The following ZCWPW2 variants were observed in gnomAD, a reference collection of about 807,000 sequenced individuals.
ZCWPW2 encodes zinc finger CW-type and PWWP domain containing 2.
Under a neutral mutation model 46.6 loss-of-function variants are expected in ZCWPW2, and 45 were observed. The observed-to-expected ratio is 0.96, with a 90% CI of 0.76 to 1.24. The LOEUF is 1.24. Among genes scored for constraint, ZCWPW2 ranks in the 50% most tolerant of loss-of-function variants. ZCWPW2 has a pLI of 0.00. For synonymous variants in ZCWPW2, 152 were observed against 137.1 expected (o/e 1.11, Z -0.76); for missense variants, 429 against 403.9 (o/e 1.06, Z -0.53).
At chr3:28,394,728 C>T (rs1695628028) in intron 2 of ZCWPW2, among the ~76,000 whole-genome samples, 1 of 152,032 alleles carries the variant, frequency 6.6e-6, no homozygotes, top group African/African-American at 2.4e-5. Context: ...TAAATTGGAC[C>T]ATTATCTTAC....
intron 4 of ZCWPW2, among the ~76,000 whole-genome samples, chr3:28,440,906 C>T (rs1374804837): frequency 6.6e-6 from 1 of 152,158 alleles, no homozygotes; most frequent in Non-Finnish European, 1.5e-5. Flanking sequence ...AACTAGCTAC[C>T]AGGTAGCTGG....
intron 4 of ZCWPW2, among the ~76,000 whole-genome samples, chr3:28,451,206 T>G (rs566080355): frequency 6.6e-6 from 1 of 152,348 alleles, no homozygotes; most frequent in Admixed American, 6.5e-5. Context: ...ATATTGAGTC[T>G]ATATATGTAG....
At chr3:28,428,854 G>T (rs531767386) in intron 3 of ZCWPW2, among the ~76,000 whole-genome samples, 1 of 152,236 alleles carries the variant, frequency 6.6e-6, no homozygotes, top group Non-Finnish European at 1.5e-5. Flanking sequence ...GGATGTGTTT[G>T]CTTCCCCTTT....
intron 4 of ZCWPW2, among the ~76,000 whole-genome samples, chr3:28,466,467 G>C (rs760321309): frequency 2.0e-5 from 3 of 152,218 alleles, no homozygotes; most frequent in Non-Finnish European, 4.4e-5. Flanking sequence ...TGCAAGATCT[G>C]TGTGAATTAA....
At chr3:28,361,232 G>A (rs1704932319) in intron 1 of ZCWPW2, among the ~76,000 whole-genome samples, 1 of 152,072 alleles carries the variant, frequency 6.6e-6, no homozygotes, top group African/African-American at 2.4e-5. Context: ...TACACACTGT[G>A]GTAAAATTAT....
intron 9 of ZCWPW2, among the ~76,000 whole-genome samples, chr3:28,523,848 G>A (rs964392507): frequency 3.9e-5 from 6 of 152,062 alleles, no homozygotes; most frequent in South Asian, 2.1e-4. Flanking sequence ...GCAAGCAATC[G>A]GAGGAAATAA....
At chr3:28,424,024 G>A (rs932466756) in intron 3 of ZCWPW2, among the ~76,000 whole-genome samples, 2 of 151,892 alleles carry the variant, frequency 1.3e-5, no homozygotes, top group African/African-American at 4.8e-5. Flanking sequence ...GTATTTATGG[G>A]GAAATTTCAG....
At position 28,515,623 on chromosome 3, in the gene ZCWPW2, T is replaced by C. The variant is rs201914473; in HGVS notation, c.784+2T>C. On this transcript the variant is annotated splice_donor_variant, in intron 8 of 9. Coordinates refer to ENST00000383768, the MANE Select transcript of ZCWPW2 (RefSeq NM_001040432.4). LOFTEE classifies it high-confidence loss of function. ...ATGCCTTATCAAAGGAGAACAGGGG[T>C]ATGTGAAAGCCTGTCCTGCTTTTAG... 8.3e-5 allele frequency: 133 copies of C among 1,611,296 alleles called. No individual in the cohort carries two copies. The highest frequency in any genetic ancestry group is 9.8e-5 in the Non-Finnish European group (116 of 1,178,790).
rs143448242 is a variant in ZCWPW2 at position 28,453,602 on chromosome 3, C to T, written c.492+18333C>T. ...CATGAATCAGGTCATTGTTTTTAAG[C>T]CAATATACAAGACTCACAAAATTGC... On this transcript the variant is annotated intron_variant, in intron 4 of 9. Transcript: ENST00000383768. Among the ~76,000 whole-genome samples, 34 of 152,102 alleles carry T rather than the reference C, an allele frequency of 2.2e-4. 2 individuals carry two copies. The East Asian group carries it at 6.6e-3, about 29-fold the overall frequency.
intron 8 of ZCWPW2, among the ~76,000 whole-genome samples, chr3:28,516,483 G>A (rs1229622976): frequency 6.6e-6 from 1 of 152,020 alleles, no homozygotes; most frequent in African/African-American, 2.4e-5. Flanking sequence ...GTGGAATGCA[G>A]GGAGAAAGTT....
In ZCWPW2 at chr3:28,478,868, T is replaced by C. The variant is rs1407048372; in HGVS notation, c.547T>C (p.Cys183Arg). ...KWYKSALQEACLLYGYSHEQR... is the reference protein window; with the variant it reads ...KWYKSALQEARLLYGYSHEQR... ...GTATAAAAGTGCACTACAAGAAGCA[T>C]GTCTACTCTATGGATATTCTCATGA... is the stretch of plus-strand genomic sequence containing the variant. The change falls in exon 5 of 10, where the codon TGT (cysteine) becomes CGT (arginine). Residue 183 changes from cysteine to arginine, a missense_variant. Cys to Arg is a radical substitution (Grantham distance 180). Transcript: ENST00000383768. The C allele has an allele frequency of 3.1e-6, 5 of 1,588,892 alleles. No homozygotes were observed. In the Admixed American group the frequency reaches 5.4e-5, roughly 17 times the overall value.
At chr3:28,368,333 G>A (rs141040449) in intron 1 of ZCWPW2, among the ~76,000 whole-genome samples, 13 of 151,756 alleles carry the variant, frequency 8.6e-5, no homozygotes, top group Non-Finnish European at 1.8e-4. Flanking sequence ...TCTTGTAGAG[G>A]CCTGCCCTAC....
intron 4 of ZCWPW2, among the ~76,000 whole-genome samples, chr3:28,475,277 C>G (rs776425986): frequency 2.6e-5 from 4 of 152,172 alleles, no homozygotes; most frequent in Non-Finnish European, 5.9e-5. Context: ...AACCAGTTTT[C>G]AAGTGGTCAG....
At chr3:28,420,066 A>G (rs1248684695) in intron 3 of ZCWPW2, among the ~76,000 whole-genome samples, 1 of 143,412 alleles carries the variant, frequency 7.0e-6, no homozygotes, top group African/African-American at 2.5e-5. Context: ...CTAATACCGA[A>G]AGTATAATTA....
At chr3:28,479,027 T>G in intron 5 of ZCWPW2, 96 bp downstream of exon 5, 6 of 728,752 alleles carry the variant, frequency 8.2e-6, no homozygotes, top group Admixed American at 3.1e-5. Flanking sequence ...TCTCTATCTC[T>G]TTCTCTTCAT....
chr3:28,394,134 A>G (rs1348480910), intron 2 of ZCWPW2, among the ~76,000 whole-genome samples: 1 of 152,108 alleles, frequency 6.6e-6, no homozygotes, highest in African/African-American at 2.4e-5. Flanking sequence ...CACTAACAAG[A>G]GCTATCAAAA....
chr3:28,467,085 T>C (rs546062340), intron 4 of ZCWPW2, among the ~76,000 whole-genome samples: 9 of 152,230 alleles, frequency 5.9e-5, no homozygotes, highest in Admixed American at 3.3e-4. Context: ...AATAGAAATA[T>C]ATAGAAATTC....
intron 1 of ZCWPW2, among the ~76,000 whole-genome samples, chr3:28,379,933 A>G (rs1705621343): frequency 6.6e-6 from 1 of 152,058 alleles, no homozygotes; most frequent in African/African-American, 2.4e-5. Context: ...AACATTAAGT[A>G]AGTCAAGTTT....
At chr3:28,447,864 T>C (rs756391297) in intron 4 of ZCWPW2, 5 of 1,034,294 alleles carry the variant, frequency 4.8e-6, no homozygotes, top group East Asian at 2.5e-5. Context: ...CTGCATGTGG[T>C]GTGTGCCCAG....
Sources: gnomAD v4.1 joint callset for allele counts (sites outside exome capture counted in the v4.1 genomes callset) on GRCh38, gnomAD v4.1.1 for gene constraint, MANE v1.5 for transcripts, NCBI Gene and HGNC (gene_info 2026-07-23, HGNC 2026-07-21) for gene names.